The following GRIN2B variants were observed in gnomAD, a reference collection of about 807,000 sequenced individuals.
GRIN2B encodes glutamate receptor ionotropic, NMDA 2B.
In GRIN2B, 5 loss-of-function variants were observed where a neutral mutation model predicts 114.5. That is an observed-to-expected ratio of 0.04 (90% CI 0.02 to 0.09). GRIN2B has a LOEUF of 0.09. GRIN2B is among the 10% of genes least tolerant of loss of function. The probability of loss-of-function intolerance (pLI) is 1.00; values close to 1 mark genes in which losing one functional copy is unlikely to be tolerated. For missense variants in GRIN2B, 1,108 were observed against 1,943.5 expected (o/e 0.57, Z 8.08); for synonymous variants, 787 against 745.1 (o/e 1.06, Z -0.92).
intron 3 of GRIN2B, among the ~76,000 whole-genome samples, chr12:13,770,469 G>A (rs115882279): frequency 0.024 from 3,584 of 152,264 alleles, 147 homozygotes; most frequent in African/African-American, 0.082. Context: ...TGGTTAAGCC[G>A]TTGTCAGAAA....
At chr12:13,937,487 A>C (rs1348951292) in intron 2 of GRIN2B, among the ~76,000 whole-genome samples, 1 of 77,920 alleles carries the variant, frequency 1.3e-5, no homozygotes, top group African/African-American at 4.4e-5. Context: ...TAATATCTCT[A>C]AAGTGCCAAA....
chr12:13,700,792 A>T (rs887490948), intron 4 of GRIN2B, among the ~76,000 whole-genome samples: 1 of 152,196 alleles, frequency 6.6e-6, no homozygotes, highest in African/African-American at 2.4e-5. Context: ...AGTGTTGTTA[A>T]CTTAACACAA....
chr12:13,776,025 C>T (rs1228099603), intron 3 of GRIN2B, among the ~76,000 whole-genome samples: 1 of 152,078 alleles, frequency 6.6e-6, no homozygotes, highest in Non-Finnish European at 1.5e-5. Flanking sequence ...TGGAATCAAC[C>T]TAAATGCTCA....
chr12:13,626,280 C>T (rs1949565745), intron 5 of GRIN2B, among the ~76,000 whole-genome samples: 1 of 152,172 alleles, frequency 6.6e-6, no homozygotes, highest in Non-Finnish European at 1.5e-5. Flanking sequence ...GTGCACCATG[C>T]CCAAGGCCTT....
intron 4 of GRIN2B, among the ~76,000 whole-genome samples, chr12:13,713,261 C>T (rs927933552): frequency 6.6e-6 from 1 of 151,824 alleles, no homozygotes; most frequent in African/African-American, 2.4e-5. Context: ...TTTTATGCTC[C>T]TAGCAGACAT....
intron 2 of GRIN2B, among the ~76,000 whole-genome samples, chr12:13,934,905 C>T (rs1471467117): frequency 6.6e-6 from 1 of 152,202 alleles, no homozygotes; most frequent in Non-Finnish European, 1.5e-5. Flanking sequence ...AAACACTCTG[C>T]TCTGGTACTC....
intron 2 of GRIN2B, among the ~76,000 whole-genome samples, chr12:13,941,849 A>G (rs958718650): frequency 1.3e-5 from 2 of 152,218 alleles, no homozygotes; most frequent in Non-Finnish European, 2.9e-5. Flanking sequence ...GAGAATGAAA[A>G]TGAGGCCCAA....
At chr12:13,593,534 T>C (rs2417293) in intron 10 of GRIN2B, among the ~76,000 whole-genome samples, 151,541 of 152,358 alleles carry the variant, frequency 0.99, 75,366 homozygotes, top group Middle Eastern at 1. Context: ...ACACCTTATA[T>C]AAAAATTAAC....
intron 2 of GRIN2B, among the ~76,000 whole-genome samples, chr12:13,871,306 T>C (rs1164447990): frequency 1.3e-5 from 2 of 151,682 alleles, no homozygotes; most frequent in African/African-American, 4.9e-5. Flanking sequence ...TGAAATCAAT[T>C]GTCATTTTTC....
intron 5 of GRIN2B, among the ~76,000 whole-genome samples, chr12:13,661,784 CT>C (rs1949926372): frequency 6.6e-6 from 1 of 152,190 alleles, no homozygotes. Context: ...TGTTGCCCAT[CT>C]TCTGATTTTT....
intron 4 of GRIN2B, among the ~76,000 whole-genome samples, chr12:13,687,430 C>T (rs1173736588): frequency 6.6e-6 from 1 of 152,076 alleles, no homozygotes; most frequent in East Asian, 1.9e-4. Flanking sequence ...GGGGGTATGC[C>T]AAGGTTCAGT....
chr12:13,543,532 C>T lies in GRIN2B; in HGVS notation c.*19251G>A, dbSNP rs1281594336. 2 of 152,212 alleles carry T rather than the reference C, an allele frequency of 1.3e-5. No individual in the cohort carries two copies. The highest frequency in any genetic ancestry group is 2.9e-5 in the Non-Finnish European group (2 of 68,034). The allele number at this position is 152,212 out of a possible 1,614,324, so 9.4% of individuals were successfully genotyped here. A position where few individuals can be genotyped will look rare whatever the true frequency, so the allele number is the denominator to read the frequency against. On this transcript the variant is annotated 3_prime_UTR_variant, in exon 14 of 14. Coordinates refer to ENST00000609686, the MANE Select transcript of GRIN2B (RefSeq NM_000834.5). The stretch of plus-strand genomic sequence containing the variant: ...GGTTATACCCCAACCCTGTTCCAAT[C>T]TAACTTGCCACCCTGTTTAAGCAGC...
intron 3 of GRIN2B, among the ~76,000 whole-genome samples, chr12:13,851,078 A>T (rs74067128): frequency 0.057 from 8,681 of 152,146 alleles, 351 homozygotes; most frequent in African/African-American, 0.11. Context: ...GAAACTCCAA[A>T]TTTGGCCCAC....
intron 2 of GRIN2B, among the ~76,000 whole-genome samples, chr12:13,953,712 C>T (rs1475793998): frequency 6.6e-6 from 1 of 152,168 alleles, no homozygotes; most frequent in Non-Finnish European, 1.5e-5. Flanking sequence ...CAGGCAGCCA[C>T]CACTTGTTCC....
intron 5 of GRIN2B, among the ~76,000 whole-genome samples, chr12:13,626,514 C>T (rs768347334): frequency 2.6e-5 from 4 of 152,044 alleles, no homozygotes; most frequent in Admixed American, 6.5e-5. Context: ...CAATTCTGAA[C>T]TGTGACTCTC....
At chr12:13,858,561 G>A (rs1005230429) in intron 3 of GRIN2B, among the ~76,000 whole-genome samples, 16 of 152,142 alleles carry the variant, frequency 1.1e-4, no homozygotes, top group Admixed American at 6.5e-4. Context: ...TCAATGTGAT[G>A]TAAAAATTGG....
At chr12:13,568,698 T>C (rs1020919467) in intron 12 of GRIN2B, among the ~76,000 whole-genome samples, 5 of 152,258 alleles carry the variant, frequency 3.3e-5, no homozygotes, top group African/African-American at 9.6e-5. Context: ...ACTTGGCTGA[T>C]GGCTGGTGAA....
At chr12:13,665,019 A>C (rs1327886187) in intron 5 of GRIN2B, among the ~76,000 whole-genome samples, 1 of 152,106 alleles carries the variant, frequency 6.6e-6, no homozygotes, top group African/African-American at 2.4e-5. Context: ...CTTCCATGCA[A>C]TGAGGACCTA....
At chr12:13,972,231 T>C (rs1862935620) in intron 2 of GRIN2B, among the ~76,000 whole-genome samples, 1 of 152,228 alleles carries the variant, frequency 6.6e-6, no homozygotes, top group Admixed American at 6.5e-5. Context: ...TATTCTTGTT[T>C]AGTTTTTTGT....
Sources: gnomAD v4.1 joint callset for allele counts (sites outside exome capture counted in the v4.1 genomes callset) on GRCh38, gnomAD v4.1.1 for gene constraint, MANE v1.5 for transcripts, NCBI Gene and HGNC (gene_info 2026-07-23, HGNC 2026-07-21) for gene names.